NPHP1: variants seen among roughly 807,000 people sequenced by gnomAD.
NPHP1 encodes nephrocystin-1.
In NPHP1, 70 loss-of-function variants were observed where a neutral mutation model predicts 90.4. That is an observed-to-expected ratio of 0.77 (90% CI 0.64 to 0.95). The LOEUF (loss-of-function observed/expected upper bound fraction) is 0.95. NPHP1 is among the 40% of genes least tolerant of loss of function. The pLI is 0.00. For missense variants in NPHP1, 764 were observed against 795.9 expected (o/e 0.96, Z 0.48); for synonymous variants, 256 against 271.7 (o/e 0.94, Z 0.57).
intron 9 of NPHP1, among the ~76,000 whole-genome samples, chr2:110,162,732 A>G (rs920936704): frequency 1.3e-5 from 2 of 152,130 alleles, no homozygotes; most frequent in African/African-American, 4.8e-5. Flanking sequence ...GTGTGCTGAT[A>G]GCACAGATGA....
intron 8 of NPHP1, chr2:110,163,896 G>C (rs1298029800): frequency 6.5e-6 from 1 of 154,256 alleles, no homozygotes; most frequent in Non-Finnish European, 1.4e-5. Flanking sequence ...CTTGACCCCA[G>C]GTGATCCACC....
chr2:110,194,087 A>G (rs1303149826), intron 2 of NPHP1, among the ~76,000 whole-genome samples: 1 of 152,174 alleles, frequency 6.6e-6, no homozygotes, highest in Admixed American at 6.5e-5. Flanking sequence ...CTAATATCAC[A>G]ATTAAAAGAA....
At chr2:110,172,277 G>A (rs1029370858) in intron 4 of NPHP1, among the ~76,000 whole-genome samples, 6 of 151,646 alleles carry the variant, frequency 4.0e-5, no homozygotes, top group African/African-American at 1.5e-4. Flanking sequence ...AGTAATGCTA[G>A]CAGCTTATCC....
chr2:110,190,228 G>A (rs375559163), intron 2 of NPHP1, among the ~76,000 whole-genome samples: 6 of 152,196 alleles, frequency 3.9e-5, no homozygotes, highest in African/African-American at 9.6e-5. Context: ...CACACCGTGC[G>A]CCCGCACTCC....
chr2:110,181,972 A>G (rs1212036365), intron 2 of NPHP1, among the ~76,000 whole-genome samples: 1 of 152,198 alleles, frequency 6.6e-6, no homozygotes, highest in Non-Finnish European at 1.5e-5. Context: ...GAAAAACACA[A>G]GAACTTTATA....
At chr2:110,193,796 TAA>T (rs759367877) in intron 2 of NPHP1, among the ~76,000 whole-genome samples, 1 of 152,032 alleles carries the variant, frequency 6.6e-6, no homozygotes, top group South Asian at 2.1e-4. Flanking sequence ...ACAGAAATTA[TAA>T]CAAACTGTCT....
At chr2:110,181,189 T>C (rs1248836181) in intron 2 of NPHP1, among the ~76,000 whole-genome samples, 1 of 152,148 alleles carries the variant, frequency 6.6e-6, no homozygotes, top group African/African-American at 2.4e-5. Flanking sequence ...TGGGGTTCAG[T>C]AGACTTAGCC....
intron 16 of NPHP1, among the ~76,000 whole-genome samples, chr2:110,132,113 C>T (rs1679830389): frequency 6.6e-6 from 1 of 152,126 alleles, no homozygotes; most frequent in Non-Finnish European, 1.5e-5. Flanking sequence ...TAGTCAGCTA[C>T]AAGCTTTAAC....
intron 2 of NPHP1, among the ~76,000 whole-genome samples, chr2:110,187,965 T>A (rs749638730): frequency 6.6e-6 from 1 of 152,086 alleles, no homozygotes; most frequent in African/African-American, 2.4e-5. Context: ...AAATTCAACA[T>A]CTTTTCATGT....
intron 12 of NPHP1, among the ~76,000 whole-genome samples, chr2:110,149,960 AT>A (rs1330467862): frequency 1.3e-5 from 2 of 152,188 alleles, no homozygotes; most frequent in East Asian, 3.8e-4. Flanking sequence ...TCAAATGAGA[AT>A]TTTCTAAAAA....
chr2:110,146,257 G>C (rs1390274719), intron 14 of NPHP1, among the ~76,000 whole-genome samples: 1 of 151,890 alleles, frequency 6.6e-6, no homozygotes, highest in Non-Finnish European at 1.5e-5. Flanking sequence ...TTTTATATTA[G>C]GGATAATGAT....
At chr2:110,136,849 A>T (rs947544873) in intron 16 of NPHP1, among the ~76,000 whole-genome samples, 64 of 152,306 alleles carry the variant, frequency 4.2e-4, no homozygotes, top group African/African-American at 1.5e-3. Flanking sequence ...GAACCAAAAA[A>T]GAGCCCGCAT....
intron 8 of NPHP1, chr2:110,164,379 A>C: frequency 1.5e-6 from 1 of 661,564 alleles, no homozygotes; most frequent in East Asian, 2.6e-5. Context: ...TTTTTCGAAT[A>C]GTAAATAAAA....
intron 5 of NPHP1, among the ~76,000 whole-genome samples, chr2:110,169,100 A>T (rs933466511): frequency 6.6e-6 from 1 of 152,076 alleles, no homozygotes; most frequent in Non-Finnish European, 1.5e-5. Context: ...CATTTCCACC[A>T]CTAAGGACAC....
At chr2:110,175,890 T>C (rs1173239967) in intron 4 of NPHP1, among the ~76,000 whole-genome samples, 1 of 152,162 alleles carries the variant, frequency 6.6e-6, no homozygotes, top group Non-Finnish European at 1.5e-5. Flanking sequence ...TGTTTTGTTC[T>C]TTGCATTTTT....
At chr2:110,170,966 C>T (rs1683090852) in intron 4 of NPHP1, among the ~76,000 whole-genome samples, 1 of 152,080 alleles carries the variant, frequency 6.6e-6, no homozygotes, top group South Asian at 2.1e-4. Flanking sequence ...TGAGCTTTAC[C>T]TTTAAAGTCG....
At chr2:110,151,557 A>G (rs2104510933) in intron 11 of NPHP1, among the ~76,000 whole-genome samples, 1 of 152,292 alleles carries the variant, frequency 6.6e-6, no homozygotes, top group East Asian at 1.9e-4. Flanking sequence ...AATGTGTTAT[A>G]TTAGGTCAAA....
At chr2:110,184,681 T>A in intron 2 of NPHP1, 1 of 741,620 alleles carries the variant, frequency 1.3e-6, no homozygotes, top group Admixed American at 1.8e-5. Context: ...CACTCATCGT[T>A]TGAGATTTCC....
chr2:110,148,462 G>A (rs2104498979), intron 12 of NPHP1, among the ~76,000 whole-genome samples: 1 of 152,174 alleles, frequency 6.6e-6, no homozygotes, highest in Non-Finnish European at 1.5e-5. Flanking sequence ...TTTCTTTATA[G>A]CAATGCAAGA....
Sources: allele counts gnomAD v4.1 joint callset (sites outside exome capture counted in the v4.1 genomes callset), GRCh38; gene constraint gnomAD v4.1.1; transcripts MANE v1.5; gene names NCBI Gene and HGNC (gene_info 2026-07-23, HGNC 2026-07-21).